SLC25A48: variants seen among roughly 807,000 people sequenced by gnomAD.
SLC25A48 encodes the protein solute carrier family 25 member 48.
A neutral mutation model predicts 32.2 loss-of-function variants in SLC25A48; 29 were observed. The ratio of observed to expected loss-of-function variants is 0.90; its 90% CI spans 0.67 to 1.23. The LOEUF (loss-of-function observed/expected upper bound fraction) is 1.23. Among genes scored for constraint, SLC25A48 ranks in the 50% most tolerant of loss-of-function variants. The pLI, the probability that SLC25A48 is intolerant of heterozygous loss-of-function variation, is 0.00. For missense variants in SLC25A48, 399 were observed against 422.7 expected, an observed-to-expected ratio of 0.94 and a Z score of 0.49; for synonymous variants, 164 against 172.3, an observed-to-expected ratio of 0.95 and a Z score of 0.38.
In SLC25A48 at chr5:135,798,687, C is replaced by T. The variant is rs1265024440; in HGVS notation, c.-520-13836C>T. ...GAGAGGATAATATTACTCCCTAAAT[C>T]GCAGGGGGTGTACACTCTCCCTGTG... On this transcript the variant is annotated intron_variant, in intron 3 of 10. Transcript: ENST00000646290. Among the ~76,000 whole-genome samples the T allele has an allele frequency of 3.3e-5, 5 of 151,624 alleles. 1 individual carries two copies. The highest frequency in any genetic ancestry group is 6.9e-3 in the Middle Eastern group (2 of 290).
At chr5:135,847,793 C>A (rs1002393821) in intron 2 of SLC25A48, among the ~76,000 whole-genome samples, 16 of 152,274 alleles carry the variant, frequency 1.1e-4, no homozygotes, top group African/African-American at 3.6e-4. Context: ...TGCTGCCTTG[C>A]CAGCATTCTG....
chr5:135,727,381 C>T (rs1755115297), intron 3 of SLC25A48, among the ~76,000 whole-genome samples: 1 of 152,060 alleles, frequency 6.6e-6, no homozygotes, highest in Non-Finnish European at 1.5e-5. Flanking sequence ...ATCCTCCTAG[C>T]AGGGTCTTTT....
In SLC25A48 at chr5:135,595,018, G is replaced by C. The variant is rs1751611903; in HGVS notation, c.-849+15421G>C. Among the ~76,000 whole-genome samples, 7 of 152,324 alleles carry C rather than the reference G, an allele frequency of 4.6e-5. No individual in the cohort carries two copies. The South Asian group carries it at 1.5e-3, about 32-fold the overall frequency. On this transcript the variant is annotated intron_variant, in intron 1 of 10. Coordinates refer to the SLC25A48 transcript ENST00000646290. Reference sequence around the variant, plus strand: ...TCCTAGTCCAGGGAAGCAGGCCTCAGCCTCATCGATCTGAGGCTAGGCCTG... The same window carrying C: ...TCCTAGTCCAGGGAAGCAGGCCTCACCCTCATCGATCTGAGGCTAGGCCTG...
At chr5:135,603,503 C>T (rs1223604287) in intron 1 of SLC25A48, among the ~76,000 whole-genome samples, 1 of 152,208 alleles carries the variant, frequency 6.6e-6, no homozygotes, top group Non-Finnish European at 1.5e-5. Context: ...GACAGGCCTC[C>T]CAGCAGGCCC....
upstream of SLC25A48, among the ~76,000 whole-genome samples, chr5:135,831,197 G>A (rs1390447290): frequency 1.3e-5 from 2 of 152,178 alleles, no homozygotes; most frequent in East Asian, 3.9e-4. Context: ...AAGGCCAGGG[G>A]GAGTCCTCAC....
intron 3 of SLC25A48, among the ~76,000 whole-genome samples, chr5:135,804,453 A>T (rs1757416737): frequency 6.6e-6 from 1 of 151,760 alleles, no homozygotes; most frequent in African/African-American, 2.4e-5. Flanking sequence ...ACCCACTGTG[A>T]TATTATTCAT....
intron 2 of SLC25A48, among the ~76,000 whole-genome samples, chr5:135,848,418 C>T (rs1664521500): frequency 3.3e-5 from 5 of 152,150 alleles, no homozygotes; most frequent in Admixed American, 3.3e-4. Context: ...TGTGGACATC[C>T]CACTCCGAGG....
intron 3 of SLC25A48, among the ~76,000 whole-genome samples, chr5:135,768,398 A>T (rs1435527278): frequency 2.0e-5 from 3 of 151,152 alleles, no homozygotes; most frequent in Non-Finnish European, 4.4e-5. Flanking sequence ...AATGATATGA[A>T]TGTAAACACC....
chr5:135,647,800 G>A (rs1472933243), intron 3 of SLC25A48, among the ~76,000 whole-genome samples: 3 of 152,190 alleles, frequency 2.0e-5, no homozygotes, highest in Non-Finnish European at 4.4e-5. Context: ...GACCTGTGGC[G>A]GGAATCCCTG....
At chr5:135,610,975 G>A (rs528045634) in intron 1 of SLC25A48, among the ~76,000 whole-genome samples, 29 of 152,254 alleles carry the variant, frequency 1.9e-4, no homozygotes, top group Non-Finnish European at 3.4e-4. Context: ...CTTACAAAGC[G>A]CAGAAACTCA....
chr5:135,685,535 C>A (rs1754003347), intron 3 of SLC25A48, among the ~76,000 whole-genome samples: 1 of 150,472 alleles, frequency 6.6e-6, no homozygotes, highest in South Asian at 2.1e-4. Flanking sequence ...CGGGTTCAAG[C>A]AATTCTCATA....
At chr5:135,733,355 A>T (rs115074087) in intron 3 of SLC25A48, among the ~76,000 whole-genome samples, 1,696 of 152,244 alleles carry the variant, frequency 0.011, 31 homozygotes, top group African/African-American at 0.039. Context: ...GACCAGAGAG[A>T]TATAGTCATG....
At chr5:135,796,881 A>T (rs1165416914) in intron 3 of SLC25A48, among the ~76,000 whole-genome samples, 1 of 151,626 alleles carries the variant, frequency 6.6e-6, no homozygotes, top group Non-Finnish European at 1.5e-5. Flanking sequence ...GGATGATATG[A>T]CTTCCTATAG....
At chr5:135,863,317 T>A (rs1460242716) in intron 4 of SLC25A48, among the ~76,000 whole-genome samples, 1 of 151,978 alleles carries the variant, frequency 6.6e-6, no homozygotes, top group Admixed American at 6.5e-5. Context: ...CAGACTTGAG[T>A]GAGAAGAGGA....
At chr5:135,768,658 AG>A (rs985048954) in intron 3 of SLC25A48, among the ~76,000 whole-genome samples, 2 of 151,688 alleles carry the variant, frequency 1.3e-5, no homozygotes, top group African/African-American at 4.8e-5. Context: ...CATAGTATCC[AG>A]GGGGAAATAG....
At chr5:135,856,197 C>T (rs1401630465) in intron 4 of SLC25A48, among the ~76,000 whole-genome samples, 1 of 152,154 alleles carries the variant, frequency 6.6e-6, no homozygotes, top group Non-Finnish European at 1.5e-5. Flanking sequence ...GGCTCATGCT[C>T]CTTTTCTGTG....
At chr5:135,761,648 G>A (rs975059196) in intron 3 of SLC25A48, among the ~76,000 whole-genome samples, 3 of 152,146 alleles carry the variant, frequency 2.0e-5, no homozygotes, top group Admixed American at 6.5e-5. Flanking sequence ...ACTGCTTAGA[G>A]GCCTCTCGTC....
At chr5:135,768,146 T>G (rs62365706) in intron 3 of SLC25A48, among the ~76,000 whole-genome samples, 55,392 of 137,420 alleles carry the variant, frequency 0.4, 12,911 homozygotes, top group Non-Finnish European at 0.52. Flanking sequence ...AATATCACAG[T>G]GGGGTGTACA....
At chr5:135,661,801 G>T (rs1318081152) in intron 3 of SLC25A48, among the ~76,000 whole-genome samples, 4 of 152,018 alleles carry the variant, frequency 2.6e-5, no homozygotes, top group Admixed American at 6.5e-5. Context: ...TTTTTTGACC[G>T]TATTAACCTG....
Sources: allele counts gnomAD v4.1 joint callset (sites outside exome capture counted in the v4.1 genomes callset), GRCh38; gene constraint gnomAD v4.1.1; transcripts MANE v1.5; gene names NCBI Gene and HGNC (gene_info 2026-07-23, HGNC 2026-07-21).